Variants in TRMT11 observed in about 807,000 individuals in gnomAD.
TRMT11 encodes the protein tRNA (guanine(10)-N(2))-methyltransferase TRMT11.
Under a neutral mutation model 62.8 loss-of-function variants are expected in TRMT11, and 53 were observed. The observed-to-expected ratio is 0.84, with a 90% CI of 0.68 to 1.06. TRMT11 has a LOEUF of 1.06. Among genes scored for constraint, TRMT11 ranks in the 50% least tolerant of loss-of-function variants. The probability of loss-of-function intolerance (pLI) is 0.00; values close to 1 mark genes in which losing one functional copy is unlikely to be tolerated. For missense variants in TRMT11, 556 were observed against 553.4 expected, an observed-to-expected ratio of 1.00 and a Z score of -0.05; for synonymous variants, 188 against 190.3, an observed-to-expected ratio of 0.99 and a Z score of 0.10.
chr6:126,266,355 T>C, the TRMT11 span, among the ~76,000 whole-genome samples: 3 of 152,204 alleles, frequency 2.0e-5, no homozygotes, highest in African/African-American at 2.4e-5. Flanking sequence ...CTATTCAGCA[T>C]CAGAGCTTTC....
intron 12 of TRMT11, among the ~76,000 whole-genome samples, chr6:126,031,013 T>C (rs1009533834): frequency 2.0e-5 from 3 of 152,246 alleles, no homozygotes; most frequent in Middle Eastern, 3.4e-3. Context: ...GATGAGACTT[T>C]ACAGTGAAGC....
intron 21 of TRMT11, among the ~76,000 whole-genome samples, chr6:126,124,954 G>A (rs1777698277): frequency 6.6e-6 from 1 of 152,064 alleles, no homozygotes; most frequent in African/African-American, 2.4e-5. Flanking sequence ...CTTTTGCCCA[G>A]ACTGGGGAGA....
intron 21 of TRMT11, among the ~76,000 whole-genome samples, chr6:126,154,948 C>T (rs1421326141): frequency 6.6e-6 from 1 of 152,202 alleles, no homozygotes; most frequent in African/African-American, 2.4e-5. Context: ...ACCTTTGCAT[C>T]ACCCATGACA....
chr6:126,152,074 G>T (rs927584258), intron 21 of TRMT11, among the ~76,000 whole-genome samples: 1 of 134,758 alleles, frequency 7.4e-6, no homozygotes. Flanking sequence ...TCTGTTACAG[G>T]CAGCATGTAT....
chr6:126,265,088 A>G, the TRMT11 span, among the ~76,000 whole-genome samples: 7 of 152,266 alleles, frequency 4.6e-5, no homozygotes, highest in Middle Eastern at 6.8e-3. Flanking sequence ...TTGTTACTGT[A>G]TATTCACATT....
chr6:126,219,634 C>G, the TRMT11 span, among the ~76,000 whole-genome samples: 1 of 152,176 alleles, frequency 6.6e-6, no homozygotes, highest in African/African-American at 2.4e-5. Context: ...GTTTTTGTTG[C>G]ATTATCTATC....
intron 21 of TRMT11, among the ~76,000 whole-genome samples, chr6:126,147,121 G>A (rs935377071): frequency 6.6e-6 from 1 of 152,058 alleles, no homozygotes; most frequent in Non-Finnish European, 1.5e-5. Flanking sequence ...TGGAAGAGTA[G>A]GTAGAATTTA....
At chr6:126,085,343 T>A (rs1777201658) in intron 17 of TRMT11, among the ~76,000 whole-genome samples, 1 of 152,190 alleles carries the variant, frequency 6.6e-6, no homozygotes, top group Admixed American at 6.5e-5. Flanking sequence ...TTAGTTAACA[T>A]GTGCCAGGCA....
the TRMT11 span, among the ~76,000 whole-genome samples, chr6:126,234,683 T>C: frequency 6.6e-6 from 1 of 152,180 alleles, no homozygotes; most frequent in Non-Finnish European, 1.5e-5. Context: ...AATATCAATA[T>C]TTAAAACTTT....
intron 9 of TRMT11, among the ~76,000 whole-genome samples, chr6:126,011,774 A>G (rs1023227435): frequency 6.6e-6 from 1 of 152,150 alleles, no homozygotes; most frequent in African/African-American, 2.4e-5. Flanking sequence ...CTCACATGTC[A>G]TTTGCAATTA....
At chr6:126,001,203 C>T (rs1792422544) in intron 7 of TRMT11, among the ~76,000 whole-genome samples, 1 of 152,024 alleles carries the variant, frequency 6.6e-6, no homozygotes, top group South Asian at 2.1e-4. Flanking sequence ...GCCAGTTTAC[C>T]CAGTAATATT....
At chr6:126,132,927 T>C (rs1562330164) in intron 21 of TRMT11, among the ~76,000 whole-genome samples, 1 of 152,094 alleles carries the variant, frequency 6.6e-6, no homozygotes, top group Non-Finnish European at 1.5e-5. Context: ...AAAACTTTTT[T>C]TCCCTTAATT....
intron 17 of TRMT11, among the ~76,000 whole-genome samples, chr6:126,102,238 A>C (rs1481484339): frequency 1.3e-5 from 2 of 152,206 alleles, no homozygotes; most frequent in Non-Finnish European, 2.9e-5. Context: ...GAATGTGTCC[A>C]TGGTAGCCAA....
intron 17 of TRMT11, among the ~76,000 whole-genome samples, chr6:126,072,450 A>G (rs1776885817): frequency 6.6e-6 from 1 of 152,212 alleles, no homozygotes; most frequent in Admixed American, 6.5e-5. Context: ...ATTCCACGGC[A>G]CCTAACAGAA....
At chr6:126,124,775 T>G (rs2128200807) in intron 21 of TRMT11, among the ~76,000 whole-genome samples, 1 of 152,166 alleles carries the variant, frequency 6.6e-6, no homozygotes, top group Middle Eastern at 3.4e-3. Flanking sequence ...AGGATCCACC[T>G]CCTAGCCAAT....
At chr6:126,135,887 A>G (rs974226070) in intron 21 of TRMT11, among the ~76,000 whole-genome samples, 16 of 152,052 alleles carry the variant, frequency 1.1e-4, no homozygotes, top group African/African-American at 3.9e-4. Flanking sequence ...GACAAAATCC[A>G]TGTGATAATT....
intron 7 of TRMT11, among the ~76,000 whole-genome samples, chr6:126,002,018 C>T (rs564437677): frequency 6.6e-6 from 1 of 152,028 alleles, no homozygotes; most frequent in Non-Finnish European, 1.5e-5. Context: ...TTGAATCTGT[C>T]TTTGTGACAT....
At chr6:126,108,696 AAG>A (rs1333246187) in intron 17 of TRMT11, among the ~76,000 whole-genome samples, 3 of 151,888 alleles carry the variant, frequency 2.0e-5, no homozygotes, top group African/African-American at 7.3e-5. Context: ...GAGCATAACA[AAG>A]AGAGAAGAGA....
chr6:126,165,016 C>T (rs1199588504), intron 21 of TRMT11, among the ~76,000 whole-genome samples: 2 of 152,066 alleles, frequency 1.3e-5, no homozygotes, highest in Admixed American at 6.6e-5. Context: ...CAGTGGCTCA[C>T]GCCTGTAATC....
Sources: allele counts gnomAD v4.1 joint callset (sites outside exome capture counted in the v4.1 genomes callset), GRCh38; gene constraint gnomAD v4.1.1; transcripts MANE v1.5; gene names NCBI Gene and HGNC (gene_info 2026-07-23, HGNC 2026-07-21).